The following PRPF18 variants were observed in gnomAD, a reference collection of about 807,000 sequenced individuals.
The protein encoded by PRPF18 is pre-mRNA processing factor 18.
In PRPF18, 38 loss-of-function variants were observed where a neutral mutation model predicts 46.5. That is an observed-to-expected ratio of 0.82 (90% CI 0.63 to 1.07). The LOEUF (loss-of-function observed/expected upper bound fraction) is 1.07, where lower values mean the gene tolerates loss of function less well. Among genes scored for constraint, PRPF18 ranks in the 50% least tolerant of loss-of-function variants. The probability of loss-of-function intolerance (pLI) is 0.00; values close to 1 mark genes in which losing one functional copy is unlikely to be tolerated. For missense variants in PRPF18, 263 were observed against 410.0 expected (o/e 0.64, Z 3.10); for synonymous variants, 152 against 146.7 (o/e 1.04, Z -0.26).
chr10:13,635,779 GA>G (rs1418815796), downstream of PRPF18, among the ~76,000 whole-genome samples: 1 of 152,050 alleles, frequency 6.6e-6, no homozygotes, highest in Admixed American at 6.6e-5. Context: ...ATTATCAGTA[GA>G]ATTAAAGAAG....
At chr10:13,649,520 T>G in the PRPF18 span, 2 of 152,142 alleles carry the variant, frequency 1.3e-5, no homozygotes, top group Non-Finnish European at 2.9e-5. Context: ...TGGAAACCAC[T>G]GGCCTGCTCC....
intron 1 of PRPF18, among the ~76,000 whole-genome samples, chr10:13,587,755 G>A (rs1243846987): frequency 6.6e-6 from 1 of 152,218 alleles, no homozygotes; most frequent in African/African-American, 2.4e-5. Flanking sequence ...GCTTGCTCGG[G>A]CCCACTCACA....
chr10:13,626,079 A>G (rs921448929), intron 9 of PRPF18, among the ~76,000 whole-genome samples: 7 of 152,224 alleles, frequency 4.6e-5, no homozygotes, highest in Non-Finnish European at 7.3e-5. Flanking sequence ...ATGGCTAGTC[A>G]GTGGTAGAAT....
the PRPF18 span, chr10:13,649,606 ATCTT>A: frequency 1.3e-5 from 2 of 152,360 alleles, no homozygotes; most frequent in South Asian, 4.1e-4. Context: ...TTTATACAGA[ATCTT>A]TCTTAGTGCT....
rs757493239 is a variant in PRPF18 at position 13,600,289 on chromosome 10, C to T, written c.190C>T (p.Pro64Ser). ...CCAGAAACCATTAACTTCATCGAATCCAGTGTTAGAACTTGAACTGGCAGA... is the reference window on the plus strand; with the variant it reads ...CCAGAAACCATTAACTTCATCGAATTCAGTGTTAGAACTTGAACTGGCAGA... ...EDQKPLTSSNPVLELELAEEK... is the reference protein window; with the variant it reads ...EDQKPLTSSNSVLELELAEEK... Residue 64 changes from proline to serine, a missense_variant, in exon 3 of 10, where the codon CCA becomes TCA. Coordinates refer to ENST00000378572, the MANE Select transcript of PRPF18 (RefSeq NM_003675.4). The T allele has an allele frequency of 1.7e-5, 27 of 1,612,418 alleles. No homozygotes were observed. The highest frequency in any genetic ancestry group is 2.0e-5 in the Non-Finnish European group (23 of 1,179,218).
chr10:13,601,033 G>A (rs560714584), intron 3 of PRPF18, among the ~76,000 whole-genome samples: 16 of 152,094 alleles, frequency 1.1e-4, no homozygotes, highest in African/African-American at 3.9e-4. Flanking sequence ...CACCTGTCTC[G>A]GCCTTCCAAA....
intron 9 of PRPF18, among the ~76,000 whole-genome samples, chr10:13,624,899 C>T (rs895970274): frequency 2.6e-5 from 4 of 152,194 alleles, no homozygotes; most frequent in Non-Finnish European, 4.4e-5. Context: ...TACTCATCAG[C>T]ATGAATGTTC....
At chr10:13,605,062 A>G (rs977463136) in intron 3 of PRPF18, among the ~76,000 whole-genome samples, 2 of 152,234 alleles carry the variant, frequency 1.3e-5, no homozygotes, top group African/African-American at 2.4e-5. Context: ...CAGTGATAAA[A>G]TTAATAACAG....
In PRPF18 at chr10:13,613,901, A is replaced by T; in HGVS notation, c.720+20A>T. On this transcript the variant is annotated intron_variant, in intron 7 of 9. Coordinates refer to ENST00000378572, the MANE Select transcript of PRPF18 (RefSeq NM_003675.4). Reference sequence around the variant, plus strand: ...AAAAGGGTGAGGTTTCTTGGAAAATACTTTTTTTAACTGACTTTAAAAATA... The same window carrying T: ...AAAAGGGTGAGGTTTCTTGGAAAATTCTTTTTTTAACTGACTTTAAAAATA... The T allele has an allele frequency of 6.3e-7, 1 of 1,591,000 alleles. No individual in the cohort carries two copies. The highest frequency in any genetic ancestry group is 8.5e-7 in the Non-Finnish European group (1 of 1,173,160).
intron 9 of PRPF18, among the ~76,000 whole-genome samples, chr10:13,622,254 C>T (rs2080430988): frequency 6.6e-6 from 1 of 152,222 alleles, no homozygotes; most frequent in Non-Finnish European, 1.5e-5. Flanking sequence ...GAGAAAAATA[C>T]TGCTAGTATT....
At chr10:13,612,404 C>T (rs973370292) in intron 6 of PRPF18, among the ~76,000 whole-genome samples, 1 of 152,052 alleles carries the variant, frequency 6.6e-6, no homozygotes, top group Non-Finnish European at 1.5e-5. Context: ...TCTCAAGTAG[C>T]ATGCCACCAC....
At chr10:13,649,365 C>G in the PRPF18 span, 2 of 126,990 alleles carry the variant, frequency 1.6e-5, no homozygotes, top group Non-Finnish European at 3.8e-5. Flanking sequence ...TTGGCTGGCC[C>G]ATGGTGTTCT....
the PRPF18 span, chr10:13,651,904 T>G: frequency 6.6e-7 from 1 of 1,518,422 alleles, no homozygotes. Flanking sequence ...TTACGGTACC[T>G]CTATTCATCA....
chr10:13,628,137 A>T (rs957019016), intron 9 of PRPF18, among the ~76,000 whole-genome samples: 2 of 152,234 alleles, frequency 1.3e-5, no homozygotes, highest in Non-Finnish European at 2.9e-5. Context: ...CAACAACAAC[A>T]AAAAGGAGCC....
the PRPF18 span, chr10:13,641,372 T>C: frequency 6.6e-6 from 1 of 152,262 alleles, no homozygotes; most frequent in Admixed American, 6.5e-5. Flanking sequence ...GTTCAGGACA[T>C]GTTAGCACAT....
At chr10:13,600,147 T>G in intron 2 of PRPF18, 97 bp from the exon 3 acceptor site, 1 of 962,566 alleles carries the variant, frequency 1.0e-6, no homozygotes, top group Non-Finnish European at 1.5e-6. Flanking sequence ...TCTTCAGTGT[T>G]GAAAACATGT....
chr10:13,596,278 C>T (rs1317216905), intron 1 of PRPF18, among the ~76,000 whole-genome samples: 7 of 152,196 alleles, frequency 4.6e-5, no homozygotes, highest in African/African-American at 1.4e-4. Flanking sequence ...CTCTTCCCTA[C>T]ATTTAACAAG....
chr10:13,591,843 C>G (rs755945360), intron 1 of PRPF18: 4 of 1,430,906 alleles, frequency 2.8e-6, no homozygotes, highest in Non-Finnish European at 3.8e-6. Flanking sequence ...AGACCGCCCT[C>G]TTGCCTCTGT....
intron 1 of PRPF18, among the ~76,000 whole-genome samples, chr10:13,590,130 A>AC (rs1163027099): frequency 1.3e-5 from 2 of 151,166 alleles, no homozygotes; most frequent in Non-Finnish European, 3.0e-5. Context: ...TTAAAAAAAA[A>AC]ACTTTAGATT....
Sources: gnomAD v4.1 joint callset for allele counts (sites outside exome capture counted in the v4.1 genomes callset) on GRCh38, gnomAD v4.1.1 for gene constraint, MANE v1.5 for transcripts, NCBI Gene and HGNC (gene_info 2026-07-23, HGNC 2026-07-21) for gene names.